GBE1: variants seen among roughly 807,000 people sequenced by gnomAD.
GBE1 encodes 1,4-alpha-glucan-branching enzyme.
A neutral mutation model predicts 88.8 loss-of-function variants in GBE1; 70 were observed. The ratio of observed to expected loss-of-function variants is 0.79; its 90% confidence interval spans 0.65 to 0.96. The LOEUF is 0.96. Ranked by LOEUF, GBE1 falls within the 40% of genes least tolerant of loss-of-function variation. The pLI is 0.00. For missense variants in GBE1, 872 were observed against 871.0 expected (o/e 1.00, Z -0.01); for synonymous variants, 284 against 300.1 (o/e 0.95, Z 0.56).
At chr3:81,545,978 T>C (rs1311544320) in intron 12 of GBE1, among the ~76,000 whole-genome samples, 2 of 152,124 alleles carry the variant, frequency 1.3e-5, no homozygotes, top group Admixed American at 1.3e-4. Flanking sequence ...TTTGAATGGC[T>C]CCAAAGCACA....
At chr3:81,565,227 T>A (rs1703475899) in intron 12 of GBE1, among the ~76,000 whole-genome samples, 2 of 152,188 alleles carry the variant, frequency 1.3e-5, no homozygotes, top group African/African-American at 4.8e-5. Context: ...ACAGCTCAGT[T>A]TTATAGACTT....
chr3:81,726,482 T>C (rs1377065008), intron 1 of GBE1, among the ~76,000 whole-genome samples: 1 of 151,900 alleles, frequency 6.6e-6, no homozygotes, highest in Non-Finnish European at 1.5e-5. Context: ...ACTGTTTTTA[T>C]TTTTTTTAAG....
intron 1 of GBE1, among the ~76,000 whole-genome samples, chr3:81,749,160 G>A (rs1183144015): frequency 2.6e-5 from 4 of 151,924 alleles, no homozygotes; most frequent in Admixed American, 2.6e-4. Flanking sequence ...TAGGTTTACT[G>A]TAATATTTGT....
intron 1 of GBE1, among the ~76,000 whole-genome samples, chr3:81,748,319 A>G (rs1559707411): frequency 6.6e-6 from 1 of 152,210 alleles, no homozygotes; most frequent in Non-Finnish European, 1.5e-5. Context: ...GTTAACATAA[A>G]AAATAGTGAA....
chr3:81,672,010 G>A (rs576561964), intron 2 of GBE1, among the ~76,000 whole-genome samples: 1 of 152,100 alleles, frequency 6.6e-6, no homozygotes, highest in Non-Finnish European at 1.5e-5. Context: ...ATATTCAGGA[G>A]AGGACACTTG....
chr3:81,498,424 C>T (rs1167613783), intron 15 of GBE1, among the ~76,000 whole-genome samples: 1 of 152,098 alleles, frequency 6.6e-6, no homozygotes, highest in Non-Finnish European at 1.5e-5. Context: ...TTTGAACCTA[C>T]TATATGGCCA....
intron 7 of GBE1, among the ~76,000 whole-genome samples, chr3:81,600,265 C>CAAATAAATAAAT (rs71277596): frequency 4.0e-5 from 6 of 151,474 alleles, no homozygotes; most frequent in East Asian, 3.9e-4. Context: ...GTCTCAAAAA[C>CAAATAAATAAAT]AAATAAATAA....
At chr3:81,568,853 T>C (rs1290671152) in intron 12 of GBE1, among the ~76,000 whole-genome samples, 1 of 152,128 alleles carries the variant, frequency 6.6e-6, no homozygotes, top group East Asian at 1.9e-4. Context: ...TATATATACA[T>C]ATATAAATGG....
At chr3:81,499,322 A>T (rs1384690936) in intron 14 of GBE1, 95 bp from the exon 15 acceptor site, 2 of 757,160 alleles carry the variant, frequency 2.6e-6, no homozygotes, top group Non-Finnish European at 4.7e-6. Context: ...GTTTTTGAGC[A>T]GTGTTAAATC....
intron 14 of GBE1, among the ~76,000 whole-genome samples, chr3:81,504,977 A>T (rs1702635005): frequency 6.6e-6 from 1 of 152,222 alleles, no homozygotes; most frequent in African/African-American, 2.4e-5. Context: ...TTCTCCAGTG[A>T]CTAGACGACT....
At chr3:81,676,935 T>C (rs1705266020) in intron 2 of GBE1, among the ~76,000 whole-genome samples, 1 of 152,138 alleles carries the variant, frequency 6.6e-6, no homozygotes, top group Non-Finnish European at 1.5e-5. Context: ...TGATCAAACA[T>C]TAACTAAGGT....
At chr3:81,663,327 G>T (rs571706206) in intron 3 of GBE1, among the ~76,000 whole-genome samples, 1 of 152,302 alleles carries the variant, frequency 6.6e-6, no homozygotes, top group Admixed American at 6.5e-5. Context: ...CCACATCAGC[G>T]TAAGCAGCTG....
chr3:81,581,215 T>A lies in GBE1; in HGVS notation c.1396A>T (p.Asn466Tyr), dbSNP rs575450709. The A allele has an allele frequency of 3.7e-6, 6 of 1,607,778 alleles. No homozygotes were observed. In the South Asian group the frequency reaches 6.7e-5, roughly 18 times the overall value. The change falls in exon 11 of 16, where the codon AAC (asparagine) becomes TAC (tyrosine). Residue 466 changes from asparagine to tyrosine, a missense_variant. Transcript: ENST00000429644. ...NMGDIVYTLT[N>Y]RRYLEKCIAY... ...ATGCACTTTTCAAGGTAGCGCCTGT[T>A]TGTGAGCGTGTATACTATATCGCCC...
At chr3:81,677,933 C>A (rs1232043042) in intron 2 of GBE1, among the ~76,000 whole-genome samples, 1 of 152,126 alleles carries the variant, frequency 6.6e-6, no homozygotes, top group Non-Finnish European at 1.5e-5. Context: ...CAATGGAATA[C>A]TAATACCTCA....
chr3:81,566,790 G>C (rs542470677), intron 12 of GBE1, among the ~76,000 whole-genome samples: 2 of 151,914 alleles, frequency 1.3e-5, no homozygotes, highest in South Asian at 4.2e-4. Context: ...TCTTTTTTCT[G>C]GGGGGAAGGA....
At chr3:81,706,744 A>T (rs1705780510) in intron 1 of GBE1, among the ~76,000 whole-genome samples, 3 of 152,190 alleles carry the variant, frequency 2.0e-5, no homozygotes, top group Non-Finnish European at 4.4e-5. Flanking sequence ...AATTAAAAAT[A>T]AACTCAAAAG....
At chr3:81,595,852 T>C (rs981407827) in intron 7 of GBE1, among the ~76,000 whole-genome samples, 1 of 151,996 alleles carries the variant, frequency 6.6e-6, no homozygotes, top group African/African-American at 2.4e-5. Context: ...AGACAGATTC[T>C]TAGCATGTAT....
At chr3:81,546,326 A>G (rs76898927) in intron 12 of GBE1, among the ~76,000 whole-genome samples, 5,170 of 152,230 alleles carry the variant, frequency 0.034, 112 homozygotes, top group Non-Finnish European at 0.053. Context: ...TGATGAGAAT[A>G]TTAAAAACAA....
intron 7 of GBE1, among the ~76,000 whole-genome samples, chr3:81,628,608 T>A (rs1168842959): frequency 1.3e-5 from 2 of 151,742 alleles, no homozygotes; most frequent in Non-Finnish European, 2.9e-5. Context: ...TTACAAAATT[T>A]AATTAATGAA....
Sources: allele counts gnomAD v4.1 joint callset (sites outside exome capture counted in the v4.1 genomes callset), GRCh38; gene constraint gnomAD v4.1.1; transcripts MANE v1.5; gene names NCBI Gene and HGNC (gene_info 2026-07-23, HGNC 2026-07-21).